Variants in PLCL1 observed in about 807,000 individuals in gnomAD.
PLCL1 encodes the protein phospholipase C like 1 (inactive).
Under a neutral mutation model 84.4 loss-of-function variants are expected in PLCL1, and 41 were observed. The observed-to-expected ratio is 0.49, with a 90% CI of 0.38 to 0.63. The LOEUF is 0.63. PLCL1 is among the 30% of genes least tolerant of loss of function. PLCL1 has a pLI of 0.00. For synonymous variants in PLCL1, 490 were observed against 488.3 expected (o/e 1.00, Z -0.05); for missense variants, 1,206 against 1,367.8 (o/e 0.88, Z 1.87).
At chr2:197,864,875 T>C (rs1200316052) in intron 1 of PLCL1, among the ~76,000 whole-genome samples, 1 of 152,214 alleles carries the variant, frequency 6.6e-6, no homozygotes, top group Non-Finnish European at 1.5e-5. Context: ...AAGAACTTCC[T>C]TGTGAAAGCA....
At chr2:198,113,360 G>A (rs760596906) in intron 5 of PLCL1, among the ~76,000 whole-genome samples, 23 of 151,902 alleles carry the variant, frequency 1.5e-4, no homozygotes, top group Admixed American at 4.6e-4. Context: ...TATCTGTTAC[G>A]TCTTTACTAG....
chr2:198,020,219 A>G (rs1196633092), intron 1 of PLCL1, among the ~76,000 whole-genome samples: 1 of 152,248 alleles, frequency 6.6e-6, no homozygotes, highest in African/African-American at 2.4e-5. Flanking sequence ...GGCCTGACTT[A>G]CAAGAGCTCC....
At chr2:197,875,142 T>G (rs1042326922) in intron 1 of PLCL1, among the ~76,000 whole-genome samples, 16 of 151,986 alleles carry the variant, frequency 1.1e-4, no homozygotes, top group Admixed American at 7.9e-4. Flanking sequence ...AAAAACTAGC[T>G]GGGTGTGGTG....
chr2:197,986,409 T>C (rs1216833489), intron 1 of PLCL1, among the ~76,000 whole-genome samples: 1 of 152,156 alleles, frequency 6.6e-6, no homozygotes, highest in Non-Finnish European at 1.5e-5. Flanking sequence ...TGGAGTGCAG[T>C]AGTGTGATCA....
intron 1 of PLCL1, among the ~76,000 whole-genome samples, chr2:197,898,226 A>C (rs1033028265): frequency 6.6e-6 from 1 of 152,140 alleles, no homozygotes; most frequent in Non-Finnish European, 1.5e-5. Context: ...GGCTAACTCT[A>C]TGAGTTCTTG....
At chr2:198,051,607 G>A (rs931561522) in intron 1 of PLCL1, among the ~76,000 whole-genome samples, 5 of 152,216 alleles carry the variant, frequency 3.3e-5, no homozygotes, top group African/African-American at 1.2e-4. Context: ...CCTTCTCTGA[G>A]TTATTTACAT....
chr2:197,918,936 GTCTCTCTCTC>G lies in PLCL1; in HGVS notation c.240+113620_240+113629del, dbSNP rs71395692. Among the ~76,000 whole-genome samples the G allele has an allele frequency of 4.8e-5, 4 of 83,160 alleles. No homozygotes were observed. The South Asian group carries it at 1.4e-3, about 29-fold the overall frequency. The allele number at this position is 83,160 out of a possible 152,430, so 54.6% of individuals were successfully genotyped here. On this transcript the variant is annotated intron_variant, in intron 1 of 5. Transcript: ENST00000428675. ...AGCCTGGGCAACAGACGGAGACCCT[GTCTCTCTCTC>G]TCTCTCTCTCTCTCTCTCTCTCCCT... is the stretch of plus-strand genomic sequence containing the variant.
At chr2:197,918,039 C>G (rs1184311088) in intron 1 of PLCL1, among the ~76,000 whole-genome samples, 1 of 152,036 alleles carries the variant, frequency 6.6e-6, no homozygotes, top group Non-Finnish European at 1.5e-5. Flanking sequence ...TGGAGAAACC[C>G]AACAAAAACT....
intron 1 of PLCL1, among the ~76,000 whole-genome samples, chr2:197,955,872 A>G (rs1689480568): frequency 6.6e-6 from 1 of 151,912 alleles, no homozygotes; most frequent in Non-Finnish European, 1.5e-5. Flanking sequence ...TTACATAGGT[A>G]TACATGTGCC....
chr2:197,824,368 T>A (rs1056786416), intron 1 of PLCL1, among the ~76,000 whole-genome samples: 2 of 152,104 alleles, frequency 1.3e-5, no homozygotes, highest in Admixed American at 1.3e-4. Context: ...CTCCTTTTTT[T>A]TTTCACCCTG....
At chr2:197,999,843 C>T (rs905220968) in intron 1 of PLCL1, among the ~76,000 whole-genome samples, 1 of 151,982 alleles carries the variant, frequency 6.6e-6, no homozygotes, top group Non-Finnish European at 1.5e-5. Context: ...ATATGTAATA[C>T]GTATGTGTGT....
intron 1 of PLCL1, among the ~76,000 whole-genome samples, chr2:197,993,845 A>G (rs1390328259): frequency 6.6e-6 from 1 of 152,214 alleles, no homozygotes; most frequent in Admixed American, 6.5e-5. Context: ...GGCATAGAGC[A>G]GGATAGTAAC....
At chr2:198,079,610 A>G (rs1230867214) in intron 1 of PLCL1, among the ~76,000 whole-genome samples, 1 of 152,096 alleles carries the variant, frequency 6.6e-6, no homozygotes, top group African/African-American at 2.4e-5. Context: ...AGTTCATGAG[A>G]CTCTTCTTGA....
At chr2:197,903,163 C>T (rs1001987383) in intron 1 of PLCL1, among the ~76,000 whole-genome samples, 3 of 152,098 alleles carry the variant, frequency 2.0e-5, no homozygotes, top group African/African-American at 7.2e-5. Flanking sequence ...AGGTTGGGAA[C>T]CTTTCTTAAG....
rs1688682812 is a variant in PLCL1, at chr2:197,920,631, C to T, written c.240+115292C>T. On this transcript the variant is annotated intron_variant, in intron 1 of 5. Transcript: ENST00000428675. Reference sequence around the variant, plus strand: ...GTTGCTTGCATAGGTTTATGCTGCTCAAATTATTATAGTTCTTACAGACAG... The same window carrying T: ...GTTGCTTGCATAGGTTTATGCTGCTTAAATTATTATAGTTCTTACAGACAG... Among the ~76,000 whole-genome samples, 3 of 152,120 alleles carry T rather than the reference C, an allele frequency of 2.0e-5. No individual in the cohort carries two copies. The South Asian group carries it at 6.2e-4, about 32-fold the overall frequency.
At chr2:197,926,182 A>T (rs1688826032) in intron 1 of PLCL1, among the ~76,000 whole-genome samples, 1 of 152,196 alleles carries the variant, frequency 6.6e-6, no homozygotes, top group Non-Finnish European at 1.5e-5. Context: ...ATATGAGTAG[A>T]TTCAATAACA....
intron 1 of PLCL1, among the ~76,000 whole-genome samples, chr2:197,861,760 G>C (rs1403025216): frequency 6.6e-6 from 1 of 152,060 alleles, no homozygotes; most frequent in Non-Finnish European, 1.5e-5. Flanking sequence ...CTTGGTGTAT[G>C]GGGGGGAACC....
intron 1 of PLCL1, among the ~76,000 whole-genome samples, chr2:198,075,363 A>T (rs941483489): frequency 1.3e-5 from 2 of 152,256 alleles, no homozygotes; most frequent in African/African-American, 4.8e-5. Flanking sequence ...GAGGCTGCTG[A>T]ATAAATCGTC....
At chr2:197,910,205 C>A (rs1482575412) in intron 1 of PLCL1, among the ~76,000 whole-genome samples, 1 of 152,160 alleles carries the variant, frequency 6.6e-6, no homozygotes, top group Non-Finnish European at 1.5e-5. Context: ...ATTTTGGAAC[C>A]ATTCATACTT....
Sources: allele counts gnomAD v4.1 joint callset (sites outside exome capture counted in the v4.1 genomes callset), GRCh38; gene constraint gnomAD v4.1.1; transcripts MANE v1.5; gene names NCBI Gene and HGNC (gene_info 2026-07-23, HGNC 2026-07-21).